CFAP61: variants seen among roughly 807,000 people sequenced by gnomAD.
CFAP61 encodes cilia and flagella associated protein 61.
A neutral mutation model predicts 135.6 loss-of-function variants in CFAP61; 107 were observed. The ratio of observed to expected loss-of-function variants is 0.79; its 90% CI spans 0.67 to 0.93. The LOEUF is 0.93. Ranked by LOEUF, CFAP61 falls within the 40% of genes least tolerant of loss-of-function variation. CFAP61 has a pLI of 0.00. For synonymous variants in CFAP61, 575 were observed against 578.5 expected (o/e 0.99, Z 0.09); for missense variants, 1,507 against 1,556.2 (o/e 0.97, Z 0.53).
intron 13 of CFAP61, among the ~76,000 whole-genome samples, chr20:20,182,714 T>TCTA (rs2055193205): frequency 3.4e-5 from 1 of 29,032 alleles, no homozygotes; most frequent in Non-Finnish European, 8.7e-5. Context: ...CCAATTGCTA[T>TCTA]GTAGAAGCAA....
rs114996314 is a variant in CFAP61, at chr20:20,196,747, C to T, written c.1768C>T (p.Arg590Cys). ...AGGCTTTAAATCCTGTCTCTACTAC[C>T]GTGTTTACCCAAAATCCAGAGAAGG... ...RLGFKSCLYYRVYPKSREGKF... is the reference protein window; with the variant it reads ...RLGFKSCLYYCVYPKSREGKF... The change falls in exon 16 of 27, where the codon CGT becomes TGT. Residue 590 changes from arginine to cysteine, a missense_variant. Coordinates refer to ENST00000245957, the MANE Select transcript of CFAP61 (RefSeq NM_015585.4). 4 of 1,614,192 alleles carry T rather than the reference C, an allele frequency of 2.5e-6. No homozygotes were observed. The highest frequency in any genetic ancestry group is 1.7e-5 in the Admixed American group (1 of 60,032).
chr20:20,297,843 G>A (rs368712417), intron 24 of CFAP61, among the ~76,000 whole-genome samples: 2 of 152,316 alleles, frequency 1.3e-5, no homozygotes, highest in South Asian at 2.1e-4. Flanking sequence ...AAATTTAACA[G>A]TGTTAAAACA....
Position 20,277,411 on chromosome 20 carries a change from A to G in CFAP61, c.2749A>G (p.Ser917Gly), listed in dbSNP as rs779508311. The G allele has an allele frequency of 1.9e-6, 3 of 1,613,906 alleles. No homozygotes were observed. The highest frequency in any genetic ancestry group is 3.3e-4 in the Middle Eastern group (2 of 6,040). ...NDGLHPDPIY[S>G]ASFTTPTKPF... ...CGGCCTGCACCCAGACCCCATCTAC[A>G]GCGCCTCCTTCACCACACCCACCAA... The change falls in exon 22 of 27, where the codon AGC becomes GGC. Residue 917 changes from serine (S) to glycine (G), a missense_variant. By Grantham distance (56) the Ser-to-Gly change is moderately conservative (BLOSUM62 0). Transcript: ENST00000245957.
At chr20:20,349,649 G>A (rs1389613381) in intron 26 of CFAP61, among the ~76,000 whole-genome samples, 2 of 152,138 alleles carry the variant, frequency 1.3e-5, no homozygotes, top group Admixed American at 1.3e-4. Context: ...TATTATAATA[G>A]CATTAAAAAG....
At chr20:20,351,157 G>C (rs6046811) in intron 26 of CFAP61, among the ~76,000 whole-genome samples, 81,273 of 151,510 alleles carry the variant, frequency 0.54, 22,811 homozygotes, top group East Asian at 0.63. Flanking sequence ...GAAAGGAAGA[G>C]GTGAAATTGT....
chr20:20,139,590 T>C (rs1314854120), intron 8 of CFAP61, among the ~76,000 whole-genome samples: 1 of 152,190 alleles, frequency 6.6e-6, no homozygotes, highest in Non-Finnish European at 1.5e-5. Context: ...CAGGGGACAT[T>C]ATGAACATTA....
At chr20:20,102,193 G>A (rs935962480) in intron 8 of CFAP61, among the ~76,000 whole-genome samples, 1 of 152,168 alleles carries the variant, frequency 6.6e-6, no homozygotes, top group African/African-American at 2.4e-5. Context: ...CTTCCCTGCT[G>A]GTGCTTTCTC....
At position 20,098,645 on chromosome 20, in the gene CFAP61, G is replaced by A. The variant is rs527495701; in HGVS notation, c.700-10G>A. ...AAAAAAAGAATAATGAGGTGTTTTG[G>A]ATATTTCAGGTGGAAGGCACAGCTG... On this transcript the variant is annotated splice_polypyrimidine_tract_variant and intron_variant, in intron 7 of 26. Transcript: ENST00000245957. 5.4e-6 allele frequency: 8 copies of A among 1,477,546 alleles called. No homozygotes were observed. Among genetic ancestry groups the A allele is most frequent in the Middle Eastern group, 1.9e-4 (1 of 5,222 alleles). 91.5% of individuals were successfully genotyped at this position (1,477,546 alleles called of 1,614,324 possible). A position where few individuals can be genotyped will look rare whatever the true frequency, so the allele number is the denominator to read the frequency against.
At chr20:20,135,240 C>T (rs1230346730) in intron 8 of CFAP61, among the ~76,000 whole-genome samples, 3 of 152,262 alleles carry the variant, frequency 2.0e-5, no homozygotes, top group East Asian at 1.9e-4. Context: ...TGAGCATAGG[C>T]CTGCTGACAC....
At chr20:20,191,487 C>A in intron 15 of CFAP61, 68 bp downstream of exon 15, 1 of 1,154,216 alleles carries the variant, frequency 8.7e-7, no homozygotes, top group Non-Finnish European at 1.3e-6. Flanking sequence ...GCCCACAGTG[C>A]CCCTTTTGGA....
intron 18 of CFAP61, among the ~76,000 whole-genome samples, chr20:20,236,886 G>A (rs2049634180): frequency 1.3e-5 from 2 of 152,108 alleles, no homozygotes; most frequent in African/African-American, 4.8e-5. Context: ...TACCATCTTG[G>A]TATTTACATC....
At chr20:20,339,863 C>T (rs73120407) in intron 25 of CFAP61, among the ~76,000 whole-genome samples, 13 of 152,176 alleles carry the variant, frequency 8.5e-5, no homozygotes, top group African/African-American at 2.2e-4. Context: ...CTCAACATTA[C>T]GATCAATTGT....
Position 20,070,868 on chromosome 20 carries a change from TTGCTGTTACCCTC to T in CFAP61, c.162_174del (p.Val55MetfsTer42). On this transcript the variant is annotated frameshift_variant, in exon 3 of 27. Coordinates refer to ENST00000245957, the MANE Select transcript of CFAP61 (RefSeq NM_015585.4). LOFTEE classifies it high-confidence loss of function. Reference sequence around the variant, plus strand: ...CATTTCTGCAGAGAAAAGGCCAACCTTGCTGTTACCCTCTGCAATGACAAGGAGGAGATCATGG... The same window carrying T: ...CATTTCTGCAGAGAAAAGGCCAACCTTGCAATGACAAGGAGGAGATCATGG... 1 of 1,613,054 alleles carries T rather than the reference TTGCTGTTACCCTC, an allele frequency of 6.2e-7. No individual in the cohort carries two copies. Among genetic ancestry groups the T allele is most frequent in the Non-Finnish European group, 8.5e-7 (1 of 1,179,622 alleles).
At chr20:20,334,472 A>T (rs2058105268) in intron 25 of CFAP61, among the ~76,000 whole-genome samples, 1 of 152,216 alleles carries the variant, frequency 6.6e-6, no homozygotes. Flanking sequence ...ATCATTGGCA[A>T]AACAGTGCTC....
chr20:20,341,921 G>A lies in CFAP61; in HGVS notation c.3513G>A (p.Glu1171=), dbSNP rs2058457125. Residue 1171 remains glutamate (E), a splice_region_variant and synonymous_variant, in exon 26 of 27, where the codon GAG becomes GAA. Coordinates refer to ENST00000245957, the MANE Select transcript of CFAP61 (RefSeq NM_015585.4). ...TACGCCAAATCTTAGCCTCCAAGGAGGTAAGAGTGATTAATGGATATGTGG... is the reference window on the plus strand; with the variant it reads ...TACGCCAAATCTTAGCCTCCAAGGAAGTAAGAGTGATTAATGGATATGTGG... The part of the protein sequence containing the change: ...KELRQILASK[E]EEDLPSIEQL... The A allele has an allele frequency of 1.2e-6, 2 of 1,605,236 alleles. No individual in the cohort carries two copies. The highest frequency in any genetic ancestry group is 1.7e-6 in the Non-Finnish European group (2 of 1,173,054).
At chr20:20,076,223 A>AC (rs2046039670) in intron 6 of CFAP61, among the ~76,000 whole-genome samples, 1 of 152,126 alleles carries the variant, frequency 6.6e-6, no homozygotes, top group Admixed American at 6.5e-5. Context: ...TGACCAGTAG[A>AC]CCGTGGCCAA....
intron 22 of CFAP61, among the ~76,000 whole-genome samples, chr20:20,284,532 G>C (rs1249734369): frequency 2.0e-5 from 3 of 152,112 alleles, no homozygotes; most frequent in African/African-American, 7.2e-5. Context: ...TGATCCGCCT[G>C]CCTCAGCCTC....
chr20:20,085,518 C>G (rs1417041378), intron 6 of CFAP61: 2 of 1,366,412 alleles, frequency 1.5e-6, no homozygotes, highest in African/African-American at 3.0e-5. Context: ...CTATTTTTCC[C>G]AGAAGAATTC....
chr20:20,283,917 C>T (rs957640081), intron 22 of CFAP61, among the ~76,000 whole-genome samples: 87 of 152,334 alleles, frequency 5.7e-4, no homozygotes, highest in African/African-American at 2.0e-3. Flanking sequence ...AGGTCAGACC[C>T]ACTGAGCATG....
Sources: allele counts gnomAD v4.1 joint callset (sites outside exome capture counted in the v4.1 genomes callset), GRCh38; gene constraint gnomAD v4.1.1; transcripts MANE v1.5; gene names NCBI Gene and HGNC (gene_info 2026-07-23, HGNC 2026-07-21).